CARMIL1: variants seen among roughly 807,000 people sequenced by gnomAD.
The protein encoded by CARMIL1 is F-actin-uncapping protein LRRC16A.
CARMIL1 carries 90 observed loss-of-function variants against 177.1 expected under a neutral mutation model. That is an observed-to-expected ratio of 0.51 (90% CI 0.43 to 0.61). The LOEUF (loss-of-function observed/expected upper bound fraction) is 0.61, where lower values mean the gene tolerates loss of function less well. Among genes scored for constraint, CARMIL1 ranks in the 20% least tolerant of loss-of-function variants. The probability of loss-of-function intolerance (pLI) is 0.00; values close to 1 mark genes in which losing one functional copy is unlikely to be tolerated. For missense variants in CARMIL1, 1,380 were observed against 1,667.0 expected (o/e 0.83, Z 3.00); for synonymous variants, 577 against 606.2 (o/e 0.95, Z 0.71).
chr6:25,428,506 T>G (rs1796462600), intron 4 of CARMIL1, among the ~76,000 whole-genome samples: 1 of 152,210 alleles, frequency 6.6e-6, no homozygotes, highest in South Asian at 2.1e-4. Flanking sequence ...TTCTAGTGAT[T>G]CTAGGTCCTT....
intron 11 of CARMIL1, among the ~76,000 whole-genome samples, chr6:25,474,965 C>T (rs1398413612): frequency 6.6e-6 from 1 of 152,118 alleles, no homozygotes; most frequent in African/African-American, 2.4e-5. Flanking sequence ...AAATCAAAGC[C>T]ACAGTGAGGT....
At chr6:25,378,689 C>T (rs1791248308) in intron 2 of CARMIL1, among the ~76,000 whole-genome samples, 1 of 152,084 alleles carries the variant, frequency 6.6e-6, no homozygotes, top group Admixed American at 6.6e-5. Flanking sequence ...TTGCCAGGTT[C>T]CCCAGTAGGA....
chr6:25,508,091 T>G (rs1001310826), intron 17 of CARMIL1, among the ~76,000 whole-genome samples: 4 of 152,204 alleles, frequency 2.6e-5, no homozygotes, highest in African/African-American at 9.6e-5. Flanking sequence ...CTAAAAATTT[T>G]TACACTCAAT....
intron 8 of CARMIL1, among the ~76,000 whole-genome samples, chr6:25,456,943 C>T (rs1363283587): frequency 6.6e-6 from 1 of 150,590 alleles, no homozygotes; most frequent in South Asian, 2.1e-4. Context: ...CAAGGTTGTC[C>T]TAAGGACACT....
chr6:25,362,882 A>G (rs1480128353), intron 2 of CARMIL1, among the ~76,000 whole-genome samples: 4 of 151,930 alleles, frequency 2.6e-5, no homozygotes, highest in African/African-American at 9.7e-5. Flanking sequence ...TAAAAATAGA[A>G]AAATTAGCTG....
intron 2 of CARMIL1, among the ~76,000 whole-genome samples, chr6:25,372,444 A>G (rs1006592393): frequency 1.3e-5 from 2 of 152,028 alleles, no homozygotes; most frequent in Admixed American, 1.3e-4. Flanking sequence ...GTCGTTCTTG[A>G]AGAGATTTTT....
chr6:25,570,057 C>T (rs1582395792), intron 29 of CARMIL1, among the ~76,000 whole-genome samples: 1 of 151,964 alleles, frequency 6.6e-6, no homozygotes, highest in African/African-American at 2.4e-5. Flanking sequence ...CTCCGCCTCC[C>T]GAGTTCACGC....
At chr6:25,584,428 C>G (rs78603048) in intron 31 of CARMIL1, among the ~76,000 whole-genome samples, 2,716 of 147,606 alleles carry the variant, frequency 0.018, 71 homozygotes, top group African/African-American at 0.059. Flanking sequence ...TATTGCAAGG[C>G]AGAACAGAGA....
intron 16 of CARMIL1, among the ~76,000 whole-genome samples, 189 bp downstream of exon 16, chr6:25,495,404 TC>T (rs1289628460): frequency 6.6e-6 from 1 of 152,172 alleles, no homozygotes; most frequent in Non-Finnish European, 1.5e-5. Context: ...TATTATTGCA[TC>T]TTCTAAGAAA....
At chr6:25,387,079 A>C (rs1488664444) in intron 2 of CARMIL1, among the ~76,000 whole-genome samples, 1 of 138,492 alleles carries the variant, frequency 7.2e-6, no homozygotes, top group Non-Finnish European at 1.5e-5. Context: ...GCACCATTGC[A>C]CTCCAGCCTG....
chr6:25,510,569 C>T lies in CARMIL1; in HGVS notation c.1540C>T (p.Leu514=), dbSNP rs867327166. 4.5e-6 allele frequency: 7 copies of T among 1,556,546 alleles called. No homozygotes were observed. Among genetic ancestry groups the T allele is most frequent in the Non-Finnish European group, 6.1e-6 (7 of 1,148,992 alleles). The change falls in exon 19 of 37, where the codon CTG becomes TTG. Residue 514 remains leucine, a synonymous_variant. Transcript: ENST00000329474. ...WLSKNRSIQH[L]ALGKNFNNMK... The stretch of plus-strand genomic sequence containing the variant: ...CAGTAAAAACAGATCAATACAACAC[C>T]TGGCGTTAGGCAAAAATTTTAATAA...
chr6:25,435,301 G>T (rs1797125303), intron 4 of CARMIL1, among the ~76,000 whole-genome samples, 182 bp from the exon 5 acceptor site: 1 of 152,130 alleles, frequency 6.6e-6, no homozygotes, highest in Non-Finnish European at 1.5e-5. Context: ...GTTCATGAGG[G>T]TGATGGTTGG....
At chr6:25,595,913 C>T (rs1814794156) in intron 32 of CARMIL1, among the ~76,000 whole-genome samples, 1 of 152,154 alleles carries the variant, frequency 6.6e-6, no homozygotes, top group African/African-American at 2.4e-5. Flanking sequence ...TAACGCAGCC[C>T]ATAATATATA....
chr6:25,511,458 C>T (rs550696321), intron 20 of CARMIL1, among the ~76,000 whole-genome samples: 17 of 152,174 alleles, frequency 1.1e-4, no homozygotes, highest in African/African-American at 2.9e-4. Context: ...AGATTTTGTC[C>T]GTTTCCTCTC....
chr6:25,284,906 G>T lies in CARMIL1; in HGVS notation c.135G>T (p.Val45=), dbSNP rs1424924901. ...AGGGAGACAAAGTTGAAAACAAAGTGCTGGTAAGTATTGCTGTTTATTTTT... is the reference window on the plus strand; with the variant it reads ...AGGGAGACAAAGTTGAAAACAAAGTTCTGGTAAGTATTGCTGTTTATTTTT... The part of the protein sequence containing the change: ...EVKGDKVENK[V]LVLTSCRAFL... Residue 45 remains valine, a synonymous_variant, in exon 2 of 37, where the codon GTG becomes GTT. Transcript: ENST00000329474. 6.5e-7 allele frequency: 1 copy of T among 1,539,054 alleles called. No homozygotes were observed. The highest frequency in any genetic ancestry group is 8.8e-7 in the Non-Finnish European group (1 of 1,130,588).
intron 5 of CARMIL1, among the ~76,000 whole-genome samples, chr6:25,436,791 C>T (rs1410473375): frequency 6.6e-6 from 1 of 152,196 alleles, no homozygotes; most frequent in East Asian, 1.9e-4. Context: ...CTCTGATTAT[C>T]AGGGTAGCTG....
intron 2 of CARMIL1, among the ~76,000 whole-genome samples, chr6:25,314,450 G>T (rs1784102037): frequency 3.0e-5 from 4 of 133,964 alleles, no homozygotes; most frequent in Admixed American, 2.2e-4. Flanking sequence ...TCCAGCCTGG[G>T]CGACAGAGCA....
At chr6:25,617,776 T>C (rs1402818269) in intron 36 of CARMIL1, among the ~76,000 whole-genome samples, 6 of 152,252 alleles carry the variant, frequency 3.9e-5, no homozygotes, top group Non-Finnish European at 8.8e-5. Context: ...TTATTCACCT[T>C]TGTTCTCTAA....
intron 2 of CARMIL1, chr6:25,383,756 C>T (rs914278739): frequency 6.6e-6 from 1 of 152,078 alleles, no homozygotes; most frequent in Non-Finnish European, 1.5e-5. Flanking sequence ...TGCAAAACTT[C>T]TTGAGAACAA....
Sources: gnomAD v4.1 joint callset for allele counts (sites outside exome capture counted in the v4.1 genomes callset) on GRCh38, gnomAD v4.1.1 for gene constraint, MANE v1.5 for transcripts, NCBI Gene and HGNC (gene_info 2026-07-23, HGNC 2026-07-21) for gene names.